SAMD5: variants seen among roughly 807,000 people sequenced by gnomAD.
SAMD5 encodes the protein sterile alpha motif domain-containing protein 5.
In SAMD5, 13 loss-of-function variants were observed where a neutral mutation model predicts 11.3. The ratio of observed to expected loss-of-function variants is 1.15; its 90% CI spans 0.75 to 1.83. The LOEUF (loss-of-function observed/expected upper bound fraction) is 1.83, where lower values mean the gene tolerates loss of function less well. Ranked by LOEUF, SAMD5 falls within the 40% of genes most tolerant of loss-of-function variation. The pLI is 0.00. For synonymous variants in SAMD5, 129 were observed against 111.3 expected (o/e 1.16, Z -1.00); for missense variants, 255 against 239.1 (o/e 1.07, Z -0.44).
At chr6:147,909,622 T>TCTCTCTCTCTCTC in the SAMD5 span, among the ~76,000 whole-genome samples, 1 of 69,766 alleles carries the variant, frequency 1.4e-5, no homozygotes, top group African/African-American at 8.0e-5. Context: ...CTTTCTTTCT[T>TCTCTCTCTCTCTC]TCTTTCTTTC....
chr6:147,622,781 A>C (rs1413365039), intron 1 of SAMD5, among the ~76,000 whole-genome samples: 1 of 152,226 alleles, frequency 6.6e-6, no homozygotes, highest in African/African-American at 2.4e-5. Flanking sequence ...TACCCAAGAC[A>C]GGGTAATTTA....
chr6:147,562,607 G>A (rs1300989774), intron 1 of SAMD5, among the ~76,000 whole-genome samples: 2 of 152,154 alleles, frequency 1.3e-5, no homozygotes, highest in Non-Finnish European at 2.9e-5. Context: ...TGGATCACGA[G>A]GTCAGGAGAT....
the SAMD5 span, among the ~76,000 whole-genome samples, chr6:147,823,361 A>C: frequency 1.3e-5 from 2 of 152,170 alleles, no homozygotes; most frequent in South Asian, 2.1e-4. Context: ...CCCAGGACTT[A>C]AGAGATTCCT....
At chr6:147,588,745 G>T (rs1394339528) in intron 1 of SAMD5, among the ~76,000 whole-genome samples, 1 of 152,024 alleles carries the variant, frequency 6.6e-6, no homozygotes, top group African/African-American at 2.4e-5. Flanking sequence ...TTATCAAGAC[G>T]TTATACCAGG....
In SAMD5 at chr6:147,565,465, T is replaced by TTA. The variant is rs1215480508; in HGVS notation, c.*1010_*1011insAT. 1 of 623,396 alleles carries TTA rather than the reference T, an allele frequency of 1.6e-6. No individual in the cohort carries two copies. The highest frequency in any genetic ancestry group is 2.9e-4 in the East Asian group (1 of 3,434). The allele number at this position is 623,396 out of a possible 1,614,324, so 38.6% of individuals were successfully genotyped here. A position where few individuals can be genotyped will look rare whatever the true frequency, so the allele number is the denominator to read the frequency against. On this transcript the variant is annotated 3_prime_UTR_variant, in exon 2 of 2. Transcript: ENST00000367474. The stretch of plus-strand genomic sequence containing the variant: ...CGTTCTTGTGTTTGGATGCTGGTAG[T>TTA]TTTTTTTTTTTTAGACAGAGTCTCG...
chr6:147,567,073 A>T lies in SAMD5; in HGVS notation c.*2617A>T, dbSNP rs778914816. ...GAGATTAATTACAGACTTTCACTTG[A>T]TAATATTGAGGAGTCTGGAGGGTCA... On this transcript the variant is annotated 3_prime_UTR_variant, in exon 2 of 2. Transcript: ENST00000367474. 2 of 970,488 alleles carry T rather than the reference A, an allele frequency of 2.1e-6. No individual in the cohort carries two copies. The highest frequency in any genetic ancestry group is 2.4e-6 in the Non-Finnish European group (2 of 816,360). The allele number at this position is 970,488 out of a possible 1,614,324, so 60.1% of individuals were successfully genotyped here. A position where few individuals can be genotyped will look rare whatever the true frequency, so the allele number is the denominator to read the frequency against.
At chr6:147,857,315 C>G in the SAMD5 span, among the ~76,000 whole-genome samples, 1 of 148,592 alleles carries the variant, frequency 6.7e-6, no homozygotes, top group Admixed American at 6.7e-5. Context: ...CCAGCCTGAG[C>G]AACAAAGTGA....
At chr6:147,856,825 G>A in the SAMD5 span, among the ~76,000 whole-genome samples, 3 of 79,096 alleles carry the variant, frequency 3.8e-5, no homozygotes, top group Middle Eastern at 6.4e-3. Flanking sequence ...GGGGCGCGGG[G>A]GGGGGGGGAA....
intron 1 of SAMD5, among the ~76,000 whole-genome samples, chr6:147,547,735 C>A (rs1490402357): frequency 1.3e-5 from 2 of 152,116 alleles, no homozygotes; most frequent in East Asian, 3.9e-4. Context: ...CACCCACACT[C>A]GAAACGGAGG....
the SAMD5 span, among the ~76,000 whole-genome samples, chr6:147,943,522 C>A: frequency 6.6e-6 from 1 of 152,092 alleles, no homozygotes; most frequent in Non-Finnish European, 1.5e-5. Context: ...AGGGCTCCTC[C>A]TCCTCCTCCT....
In SAMD5 at chr6:147,594,260, T is replaced by G. The variant is rs683612; in HGVS notation, c.162+84873T>G. On this transcript the variant is annotated intron_variant, in intron 1 of 1. Coordinates refer to the SAMD5 transcript ENST00000566741. ...ACTTTGATCCCTTTTTCCCTCTCCT[T>G]TGCTCATCTCTCGCTCATTTGCTTG... Among the ~76,000 whole-genome samples the G allele has an allele frequency of 9.4e-4, 143 of 152,310 alleles. 1 individual carries two copies. The highest frequency in any genetic ancestry group is 4.4e-3 in the Admixed American group (68 of 15,304).
At chr6:147,882,101 A>T in the SAMD5 span, among the ~76,000 whole-genome samples, 3 of 152,128 alleles carry the variant, frequency 2.0e-5, no homozygotes, top group African/African-American at 7.2e-5. Context: ...GAGCTGCAAA[A>T]TCCCAGGGCT....
At chr6:147,573,772 C>A (rs1011733967), downstream of SAMD5, among the ~76,000 whole-genome samples, 23 of 152,136 alleles carry the variant, frequency 1.5e-4, no homozygotes, top group Non-Finnish European at 2.6e-4. Flanking sequence ...AGGGTGGGAA[C>A]AGAAAAGAAG....
chr6:147,906,968 C>G, the SAMD5 span, among the ~76,000 whole-genome samples: 1 of 152,166 alleles, frequency 6.6e-6, no homozygotes, highest in Non-Finnish European at 1.5e-5. Flanking sequence ...ATAGCCAGTG[C>G]AATAGCTGCC....
At chr6:147,881,627 C>T in the SAMD5 span, among the ~76,000 whole-genome samples, 1 of 152,172 alleles carries the variant, frequency 6.6e-6, no homozygotes, top group African/African-American at 2.4e-5. Context: ...TTCTTCCTTA[C>T]AACAGCACAC....
intron 1 of SAMD5, among the ~76,000 whole-genome samples, chr6:147,581,521 G>A (rs933979743): frequency 6.6e-6 from 1 of 152,158 alleles, no homozygotes; most frequent in African/African-American, 2.4e-5. Context: ...TGGAGGAACA[G>A]GAAGGAGCTT....
intron 1 of SAMD5, among the ~76,000 whole-genome samples, chr6:147,712,574 G>A (rs77117166): frequency 0.039 from 5,863 of 152,206 alleles, 171 homozygotes; most frequent in Non-Finnish European, 0.058. Context: ...TTGGAGGTGG[G>A]GCCTTTGGGA....
the SAMD5 span, among the ~76,000 whole-genome samples, chr6:147,819,166 C>T: frequency 6.6e-5 from 10 of 152,272 alleles, no homozygotes; most frequent in East Asian, 1.9e-4. Flanking sequence ...AATGAGATCA[C>T]GTCCTTCTCA....
intron 1 of SAMD5, among the ~76,000 whole-genome samples, chr6:147,700,066 A>C (rs1377675832): frequency 6.6e-6 from 1 of 152,170 alleles, no homozygotes; most frequent in Non-Finnish European, 1.5e-5. Context: ...CAGATCTGAA[A>C]GAGAATTTAG....
Sources: allele counts gnomAD v4.1 joint callset (sites outside exome capture counted in the v4.1 genomes callset), GRCh38; gene constraint gnomAD v4.1.1; transcripts MANE v1.5; gene names NCBI Gene and HGNC (gene_info 2026-07-23, HGNC 2026-07-21).